Variants in CRLF2 observed in about 807,000 individuals in gnomAD.
CRLF2 encodes the protein cytokine receptor-like factor 2.
CRLF2 carries 41 observed loss-of-function variants against 38.7 expected under a neutral mutation model. The observed-to-expected ratio is 1.06, with a 90% CI of 0.83 to 1.37. CRLF2 has a LOEUF of 1.37. CRLF2 is among the 40% of genes most tolerant of loss of function. CRLF2 has a pLI of 0.00. For missense variants in CRLF2, 377 were observed against 322.2 expected (o/e 1.17, Z -1.30); for synonymous variants, 140 against 128.8 (o/e 1.09, Z -0.59).
At chrX:1,191,777 C>A (rs1435596694) in intron 7 of CRLF2, among the ~76,000 whole-genome samples, 1 of 151,726 alleles carries the variant, frequency 6.6e-6, no homozygotes, top group African/African-American at 2.4e-5. Context: ...GTGATCCACC[C>A]GACTCGACCT....
chrX:1,206,395 T>C (rs1380254646), intron 3 of CRLF2, 38 bp downstream of exon 3: 3 of 1,583,012 alleles, frequency 1.9e-6, no homozygotes, highest in South Asian at 1.1e-5. Flanking sequence ...CTGAAGGAAG[T>C]ACTGAAAAGC....
chrX:1,190,792 C>T lies in CRLF2; in HGVS notation c.*105G>A, dbSNP rs1407285443. 1.5e-5 allele frequency: 6 copies of T among 398,492 alleles called. No individual in the cohort carries two copies. Among genetic ancestry groups the T allele is most frequent in the East Asian group, 3.6e-5 (1 of 28,084 alleles). The allele number at this position is 398,492 out of a possible 1,614,324, so 24.7% of individuals were successfully genotyped here. A position where few individuals can be genotyped will look rare whatever the true frequency, so the allele number is the denominator to read the frequency against. ...AGTCTCCTAGTCCTACCATCATTGG[C>T]GTGGAGACTTCCCATCCATGGTGGT... On this transcript the variant is annotated 3_prime_UTR_variant, in exon 8 of 8. Transcript: ENST00000400841.
chrX:1,205,792 T>C, intron 3 of CRLF2, among the ~76,000 whole-genome samples: 1 of 151,854 alleles, frequency 6.6e-6, no homozygotes, highest in East Asian at 1.9e-4. Flanking sequence ...GAGCTTGCTT[T>C]TCAATAGCTA....
At chrX:1,207,477 T>G (rs1381335660) in intron 2 of CRLF2, among the ~76,000 whole-genome samples, 12 of 141,932 alleles carry the variant, frequency 8.5e-5, no homozygotes, top group East Asian at 4.4e-4. Flanking sequence ...AGGCTGGTCT[T>G]GAACTCCTGA....
chrX:1,191,195 G>C, intron 7 of CRLF2, 35 bp from the exon 8 acceptor site: 1 of 398,580 alleles, frequency 2.5e-6, no homozygotes, highest in Non-Finnish European at 4.4e-6. Flanking sequence ...AAACACAGTG[G>C]ACACACCACA....
intron 1 of CRLF2, among the ~76,000 whole-genome samples, chrX:1,209,178 A>G (rs1450122818): frequency 6.6e-6 from 1 of 151,986 alleles, no homozygotes; most frequent in Non-Finnish European, 1.5e-5. Context: ...CGTGTTAGCC[A>G]GGATGGTCTC....
At chrX:1,204,096 A>AAAAAAAGAGAG (rs370190016) in intron 3 of CRLF2, among the ~76,000 whole-genome samples, 9 of 133,442 alleles carry the variant, frequency 6.7e-5, no homozygotes, top group Non-Finnish European at 1.4e-4. Context: ...TCTCAAAAAA[A>AAAAAAAGAGAG]AGAGAGAACA....
chrX:1,192,416 C>T (rs1215208716), intron 7 of CRLF2, among the ~76,000 whole-genome samples: 1 of 151,008 alleles, frequency 6.6e-6, no homozygotes, highest in Non-Finnish European at 1.5e-5. Flanking sequence ...AGTTTGAGAC[C>T]AGCCTGGACA....
chrX:1,203,607 A>G (rs2147843889), intron 3 of CRLF2, among the ~76,000 whole-genome samples: 1 of 151,296 alleles, frequency 6.6e-6, no homozygotes, highest in African/African-American at 2.4e-5. Context: ...GGCCACATGG[A>G]GACGGAGGCA....
chrX:1,196,272 C>G (rs189481028), intron 6 of CRLF2, among the ~76,000 whole-genome samples: 61 of 150,466 alleles, frequency 4.1e-4, no homozygotes, highest in South Asian at 1.3e-3. Flanking sequence ...ACAGCAAGCT[C>G]CGACTCCCAG....
intron 6 of CRLF2, among the ~76,000 whole-genome samples, chrX:1,196,070 G>A (rs1372913455): frequency 3.6e-4 from 53 of 146,352 alleles, no homozygotes; most frequent in African/African-American, 1.3e-3. Flanking sequence ...TAGTAGAGGT[G>A]GGGTTTCTTC....
Position 1,202,552 on chromosome X carries a change from A to G in CRLF2, c.350-17T>C. ...TGGGTTTCACTGAGAAGAAGAAATA[A>G]CGGAAGCGACGTCCCTCCTCTCTGA... is the stretch of plus-strand genomic sequence containing the variant. On this transcript the variant is annotated splice_polypyrimidine_tract_variant and intron_variant, in intron 3 of 7. Transcript: ENST00000400841. 2.5e-6 allele frequency: 4 copies of G among 1,613,622 alleles called. No individual in the cohort carries two copies. The highest frequency in any genetic ancestry group is 3.4e-6 in the Non-Finnish European group (4 of 1,179,652).
At chrX:1,200,903 A>T (rs1488932970) in intron 4 of CRLF2, among the ~76,000 whole-genome samples, 13 of 112,142 alleles carry the variant, frequency 1.2e-4, no homozygotes, top group African/African-American at 4.1e-4. Context: ...ACAGTCATGC[A>T]TTGCTTAACG....
chrX:1,202,384 C>T lies in CRLF2; in HGVS notation c.483+18G>A, dbSNP rs1217861508. ...ACGCTCAGCCACCATCGCCCTGAGTCGCGGCCGCCCGGCTCACCTGCCACT... is the reference window on the plus strand; with the variant it reads ...ACGCTCAGCCACCATCGCCCTGAGTTGCGGCCGCCCGGCTCACCTGCCACT... On this transcript the variant is annotated intron_variant, in intron 4 of 7. Transcript: ENST00000400841. 1.9e-6 allele frequency: 3 copies of T among 1,613,224 alleles called. No individual in the cohort carries two copies. The highest frequency in any genetic ancestry group is 2.5e-6 in the Non-Finnish European group (3 of 1,179,468).
intron 1 of CRLF2, among the ~76,000 whole-genome samples, chrX:1,209,294 T>TTGCATTGTATTGTAG (rs1477485769): frequency 6.3e-5 from 9 of 142,404 alleles, no homozygotes; most frequent in South Asian, 2.3e-4. Flanking sequence ...TTGCATTGTA[T>TTGCATTGTATTGTAG]TGTAGTGTAG....
chrX:1,197,511 GC>G (rs1243397309), intron 5 of CRLF2, among the ~76,000 whole-genome samples: 1 of 151,884 alleles, frequency 6.6e-6, no homozygotes, highest in African/African-American at 2.4e-5. Context: ...CTTAAATCAT[GC>G]CCCCTGAAAA....
At position 1,202,469 on chromosome X, in the gene CRLF2, G is replaced by C. The variant is rs1214304487; in HGVS notation, c.416C>G (p.Ser139Cys). The part of the protein sequence containing the change: ...WHQDAVTVTC[S>C]DLSYGDLLYE... Reference sequence around the variant, plus strand: ...GAGGAGATCCCCGTAGGACAGGTCAGAACACGTCACCGTCACTGCATCCTG... The same window carrying C: ...GAGGAGATCCCCGTAGGACAGGTCACAACACGTCACCGTCACTGCATCCTG... Residue 139 changes from serine (S) to cysteine (C), a missense_variant, in exon 4 of 8, where the codon TCT (serine) becomes TGT (cysteine). Coordinates refer to ENST00000400841, the MANE Select transcript of CRLF2 (RefSeq NM_022148.4). 4 of 1,613,614 alleles carry C rather than the reference G, an allele frequency of 2.5e-6. No homozygotes were observed. In the African/African-American group the frequency reaches 5.3e-5, roughly 22 times the overall value.
intron 1 of CRLF2, 140 bp downstream of exon 1, chrX:1,212,416 C>CAGG (rs113332377): frequency 1.2e-5 from 7 of 563,754 alleles, no homozygotes; most frequent in Admixed American, 3.8e-5. Context: ...TGCTTGAACC[C>CAGG]GGAAAAAAAA....
At chrX:1,203,029 C>T (rs1487156330) in intron 3 of CRLF2, among the ~76,000 whole-genome samples, 3 of 125,144 alleles carry the variant, frequency 2.4e-5, no homozygotes, top group African/African-American at 9.3e-5. Flanking sequence ...ACCGGGGAGG[C>T]GGAGGTTGCG....
Sources: allele counts gnomAD v4.1 joint callset (sites outside exome capture counted in the v4.1 genomes callset), GRCh38; gene constraint gnomAD v4.1.1; transcripts MANE v1.5; gene names NCBI Gene and HGNC (gene_info 2026-07-23, HGNC 2026-07-21).